The following SIGLEC12 variants were observed in gnomAD, a reference collection of about 807,000 sequenced individuals.
The protein encoded by SIGLEC12 is sialic acid-binding Ig-like lectin 12.
A neutral mutation model predicts 54.1 loss-of-function variants in SIGLEC12; 43 were observed. That is an observed-to-expected ratio of 0.80 (90% CI 0.62 to 1.03). The LOEUF (loss-of-function observed/expected upper bound fraction) is 1.03, where lower values mean the gene tolerates loss of function less well. Ranked by LOEUF, SIGLEC12 falls within the 50% of genes least tolerant of loss-of-function variation. The probability of loss-of-function intolerance (pLI) is 0.00; values close to 1 mark genes in which losing one functional copy is unlikely to be tolerated. For missense variants in SIGLEC12, 802 were observed against 735.2 expected (o/e 1.09, Z -1.05); for synonymous variants, 357 against 307.6 (o/e 1.16, Z -1.68).
In SIGLEC12 at chr19:51,501,615, A is replaced by G. The variant is rs764719892; in HGVS notation, c.119T>C (p.Val40Ala). 2.1e-5 allele frequency: 34 copies of G among 1,613,986 alleles called. No individual in the cohort carries two copies. The South Asian group carries it at 3.5e-4, about 17-fold the overall frequency. Reference sequence around the variant, plus strand: ...GTAGGAGAAGGAGCAAAGCACAGAGACACACAGGCCCTCCTGCACCGTCAC... The same window carrying G: ...GTAGGAGAAGGAGCAAAGCACAGAGGCACACAGGCCCTCCTGCACCGTCAC... ...KSVTVQEGLC[V>A]SVLCSFSYPQ... The change falls in exon 1 of 8, where the codon GTC (valine) becomes GCC (alanine). Residue 40 changes from valine (V) to alanine (A), a missense_variant. Transcript: ENST00000291707.
chr19:51,499,004 T>G (rs1473956467), intron 4 of SIGLEC12, among the ~76,000 whole-genome samples, 166 bp downstream of exon 4: 15 of 145,270 alleles, frequency 1.0e-4, no homozygotes, highest in African/African-American at 2.0e-4. Flanking sequence ...TCAAGGGGAG[T>G]GAAGGGGTGA....
intron 7 of SIGLEC12, among the ~76,000 whole-genome samples, chr19:51,495,187 GGATGGA>G (rs1990193926): frequency 6.7e-6 from 1 of 149,834 alleles, no homozygotes; most frequent in Non-Finnish European, 1.5e-5. Flanking sequence ...ATGGATGGAT[GGATGGA>G]TGGATGGACG....
rs1481335529 is a variant in SIGLEC12, at chr19:51,500,227, G to A, written c.501C>T (p.Val167=). 2 of 1,614,192 alleles carry A rather than the reference G, an allele frequency of 1.2e-6. No individual in the cohort carries two copies. Among genetic ancestry groups the A allele is most frequent in the Admixed American group, 3.3e-5 (2 of 60,028 alleles). ...ESVTVQEGLC[V]SVPCSVLYPH... is the part of the protein sequence containing the mutation. Reference sequence around the variant, plus strand: ...GGTAAAGGACACTGCAGGGCACAGAGACACACAGACCCTCCTGCACAGTCA... The same window carrying A: ...GGTAAAGGACACTGCAGGGCACAGAAACACACAGACCCTCCTGCACAGTCA... Residue 167 remains valine (V), a synonymous_variant, in exon 2 of 8, where the codon GTC becomes GTT. Coordinates refer to ENST00000291707, the MANE Select transcript of SIGLEC12 (RefSeq NM_053003.4).
At chr19:51,499,082 A>AAAAAAG in intron 4 of SIGLEC12, 88 bp downstream of exon 4, 1 of 1,435,788 alleles carries the variant, frequency 7.0e-7, no homozygotes, top group Middle Eastern at 1.8e-4. Context: ...CACCCACAAA[A>AAAAAAG]GGGTCTCAGG....
At chr19:51,499,003 G>A (rs973369195) in intron 4 of SIGLEC12, among the ~76,000 whole-genome samples, 167 bp downstream of exon 4, 1 of 152,118 alleles carries the variant, frequency 6.6e-6, no homozygotes, top group Non-Finnish European at 1.5e-5. Flanking sequence ...TTCAAGGGGA[G>A]TGAAGGGGTG....
rs766022176 is a variant in SIGLEC12 at position 51,501,532 on chromosome 19, C to T, written c.202G>A (p.Asp68Asn). 8 of 1,548,616 alleles carry T rather than the reference C, an allele frequency of 5.2e-6. No homozygotes were observed. In the South Asian group the frequency reaches 6.7e-5, roughly 13 times the overall value. Residue 68 changes from aspartate (D) to asparagine (N), a missense_variant, in exon 1 of 8, where the codon GAC becomes AAC. Asp to Asn is a conservative substitution (Grantham distance 23). Coordinates refer to ENST00000291707, the MANE Select transcript of SIGLEC12 (RefSeq NM_053003.4). ...PVHGYWFRAG[D>N]HVSRNIPVAT... Reference sequence around the variant, plus strand: ...ACTGGAATGTTCCGGCTTACATGGTCCCCTGCCCGGAACCAGTAGCCATGA... The same window carrying T: ...ACTGGAATGTTCCGGCTTACATGGTTCCCTGCCCGGAACCAGTAGCCATGA...
intron 7 of SIGLEC12, among the ~76,000 whole-genome samples, chr19:51,493,651 C>T (rs1338377991): frequency 1.3e-5 from 2 of 152,134 alleles, no homozygotes; most frequent in African/African-American, 4.8e-5. Context: ...TCTTCTTGCT[C>T]CCTCTCTGTC....
chr19:51,501,664 A>G lies in SIGLEC12; in HGVS notation c.70T>C (p.Tyr24His), dbSNP rs769585114. ...ACGGACTTCTGCATTGTCAGCAGGT[A>G]ATCCTTCTGTTCCTTAGCCCCCACT... ...GRVGAKEQKD[Y>H]LLTMQKSVTV... The change falls in exon 1 of 8, where the codon TAC becomes CAC. Residue 24 changes from tyrosine to histidine, a missense_variant. By Grantham distance (83) the Tyr-to-His change is moderately conservative. Coordinates refer to ENST00000291707, the MANE Select transcript of SIGLEC12 (RefSeq NM_053003.4). The G allele has an allele frequency of 1.9e-6, 3 of 1,614,128 alleles. No individual in the cohort carries two copies. Among genetic ancestry groups the G allele is most frequent in the South Asian group, 2.2e-5 (2 of 91,090 alleles).
intron 7 of SIGLEC12, among the ~76,000 whole-genome samples, chr19:51,494,336 C>CA (rs1374402164): frequency 1.8e-4 from 28 of 152,260 alleles, no homozygotes; most frequent in African/African-American, 6.3e-4. Context: ...AGGTGATATA[C>CA]AAATCAAAAG....
chr19:51,498,753 C>T (rs188183470), intron 4 of SIGLEC12, among the ~76,000 whole-genome samples: 244 of 152,294 alleles, frequency 1.6e-3, no homozygotes, highest in African/African-American at 5.3e-3. Context: ...AACCAAGGCT[C>T]AGGACAGCCT....
At chr19:51,492,015 T>C (rs1990117735) in intron 7 of SIGLEC12, among the ~76,000 whole-genome samples, 186 bp from the exon 8 acceptor site, 1 of 152,216 alleles carries the variant, frequency 6.6e-6, no homozygotes, top group Non-Finnish European at 1.5e-5. Context: ...TTTACTAATC[T>C]CATTAACTTC....
In SIGLEC12 at chr19:51,497,884, T is replaced by TC. The variant is rs758517087; in HGVS notation, c.1405+133dup. The TC allele has an allele frequency of 4.7e-4, 610 of 1,284,388 alleles. 2 individuals carry two copies. Among genetic ancestry groups the TC allele is most frequent in the Middle Eastern group, 1.1e-3 (5 of 4,360 alleles). 79.6% of individuals were successfully genotyped at this position (1,284,388 alleles called of 1,614,324 possible). A position where few individuals can be genotyped will look rare whatever the true frequency, so the allele number is the denominator to read the frequency against. ...CCCTCCAAGATTAACTCCTCCCCTC[T>TC]CCCCACCCCGCACTCACTGCTTGGC... On this transcript the variant is annotated intron_variant, in intron 5 of 7. Coordinates refer to ENST00000291707, the MANE Select transcript of SIGLEC12 (RefSeq NM_053003.4).
Position 51,499,645 on chromosome 19 carries a change from A to G in SIGLEC12, c.880T>C (p.Ser294Pro). The change falls in exon 3 of 8, where the codon TCT becomes CCT. Residue 294 changes from serine (S) to proline (P), a missense_variant. Physicochemically the swap from Ser to Pro is moderately conservative, Grantham distance 74. Transcript: ENST00000291707. ...ESGHPRNLTCSVPWACEQGTP... is the reference protein window; with the variant it reads ...ESGHPRNLTCPVPWACEQGTP... Reference sequence around the variant, plus strand: ...CCCTGTTCACAGGCCCAGGGCACAGAGCAGGTCAGGTTCCTGGGGTGGCCA... The same window carrying G: ...CCCTGTTCACAGGCCCAGGGCACAGGGCAGGTCAGGTTCCTGGGGTGGCCA... 1 of 1,614,122 alleles carries G rather than the reference A, an allele frequency of 6.2e-7. No homozygotes were observed. The highest frequency in any genetic ancestry group is 8.5e-7 in the Non-Finnish European group (1 of 1,180,024).
intron 4 of SIGLEC12, among the ~76,000 whole-genome samples, chr19:51,498,712 C>G (rs929846421): frequency 1.3e-5 from 2 of 152,182 alleles, no homozygotes; most frequent in Non-Finnish European, 2.9e-5. Flanking sequence ...CTACTGACAT[C>G]AAACCACCTC....
intron 2 of SIGLEC12, 88 bp from the exon 3 acceptor site, chr19:51,499,804 C>T (rs10420446): frequency 0.62 from 973,986 of 1,559,514 alleles, 306,996 homozygotes; most frequent in Admixed American, 0.73. Flanking sequence ...CTTACTCCTC[C>T]CCTGAGCCAG....
At chr19:51,498,328 A>G in intron 4 of SIGLEC12, 41 bp from the exon 5 acceptor site, 1 of 1,533,224 alleles carries the variant, frequency 6.5e-7, no homozygotes, top group Middle Eastern at 1.7e-4. Flanking sequence ...AGACAAAGTG[A>G]TCGAGGCAGG....
At chr19:51,500,862 C>T (rs558585679) in intron 1 of SIGLEC12, among the ~76,000 whole-genome samples, 1 of 151,910 alleles carries the variant, frequency 6.6e-6, no homozygotes, top group Non-Finnish European at 1.5e-5. Context: ...GAGAGAGTCA[C>T]GGGGTTGTGT....
chr19:51,501,685 C>G lies in SIGLEC12; in HGVS notation c.49G>C (p.Gly17Arg). The G allele has an allele frequency of 3.1e-6, 5 of 1,613,844 alleles. No homozygotes were observed. The highest frequency in any genetic ancestry group is 2.5e-6 in the Non-Finnish European group (3 of 1,179,814). The change falls in exon 1 of 8, where the codon GGG (glycine) becomes CGG (arginine). Residue 17 changes from glycine (G) to arginine (R), a missense_variant. Coordinates refer to ENST00000291707, the MANE Select transcript of SIGLEC12 (RefSeq NM_053003.4). Reference sequence around the variant, plus strand: ...AGGTAATCCTTCTGTTCCTTAGCCCCCACTCTCCCACAGAGCAGGGGTGGC... The same window carrying G: ...AGGTAATCCTTCTGTTCCTTAGCCCGCACTCTCCCACAGAGCAGGGGTGGC... ...LLPPLLCGRV[G>R]AKEQKDYLLT...
chr19:51,499,886 T>C (rs1424706884), intron 2 of SIGLEC12, 34 bp downstream of exon 2: 1 of 1,578,440 alleles, frequency 6.3e-7, no homozygotes, highest in African/African-American at 1.3e-5. Flanking sequence ...CCTCGGGCCT[T>C]CCCCTCTGGC....
Sources: allele counts gnomAD v4.1 joint callset (sites outside exome capture counted in the v4.1 genomes callset), GRCh38; gene constraint gnomAD v4.1.1; transcripts MANE v1.5; gene names NCBI Gene and HGNC (gene_info 2026-07-23, HGNC 2026-07-21).